The following RNGTT variants were observed in gnomAD, a reference collection of about 807,000 sequenced individuals.
The protein encoded by RNGTT is mRNA-capping enzyme.
Under a neutral mutation model 79.3 loss-of-function variants are expected in RNGTT, and 33 were observed. The observed-to-expected ratio is 0.42, with a 90% CI of 0.32 to 0.56. The LOEUF is 0.56. Among genes scored for constraint, RNGTT ranks in the 20% least tolerant of loss-of-function variants. The pLI is 0.17. For missense variants in RNGTT, 497 were observed against 739.1 expected (o/e 0.67, Z 3.80); for synonymous variants, 222 against 235.9 (o/e 0.94, Z 0.54).
chr6:88,930,527 T>C (rs1582144638), intron 2 of RNGTT, among the ~76,000 whole-genome samples: 1 of 151,758 alleles, frequency 6.6e-6, no homozygotes, highest in Non-Finnish European at 1.5e-5. Context: ...TTCAGTATCA[T>C]ATAAAAACAA....
At chr6:88,950,784 A>G (rs1445699709) in intron 1 of RNGTT, among the ~76,000 whole-genome samples, 1 of 152,118 alleles carries the variant, frequency 6.6e-6, no homozygotes, top group African/African-American at 2.4e-5. Flanking sequence ...GTGAGCCATG[A>G]TCATGCCATT....
chr6:88,675,417 G>A (rs1371416369), intron 14 of RNGTT, among the ~76,000 whole-genome samples: 1 of 151,962 alleles, frequency 6.6e-6, no homozygotes, highest in Non-Finnish European at 1.5e-5. Flanking sequence ...GCAGGCCAGG[G>A]GTGGTGGCTC....
intron 13 of RNGTT, among the ~76,000 whole-genome samples, chr6:88,766,406 T>A (rs1376914638): frequency 6.6e-6 from 1 of 152,130 alleles, no homozygotes; most frequent in Non-Finnish European, 1.5e-5. Context: ...CACAAGTTAG[T>A]TAATATAAAG....
At chr6:88,905,494 A>T (rs750681057) in intron 5 of RNGTT, among the ~76,000 whole-genome samples, 3 of 152,252 alleles carry the variant, frequency 2.0e-5, no homozygotes, top group African/African-American at 4.8e-5. Context: ...TCAAAATCAT[A>T]TGTGTACTTC....
chr6:88,839,261 G>A (rs1339793752), intron 11 of RNGTT, among the ~76,000 whole-genome samples: 2 of 151,920 alleles, frequency 1.3e-5, no homozygotes, highest in Non-Finnish European at 2.9e-5. Context: ...AAAAGAAAAC[G>A]ACAGAACAGT....
At chr6:88,844,322 T>C (rs1562281966) in intron 11 of RNGTT, 35 bp downstream of exon 11, 5 of 1,568,594 alleles carry the variant, frequency 3.2e-6, no homozygotes, top group Non-Finnish European at 3.5e-6. Context: ...TATGAGACAT[T>C]ATTAGCACTA....
intron 11 of RNGTT, among the ~76,000 whole-genome samples, chr6:88,823,302 C>A (rs566942103): frequency 6.6e-6 from 1 of 152,066 alleles, no homozygotes; most frequent in East Asian, 1.9e-4. Context: ...CGTGGTGCCA[C>A]GTGCCTGTAA....
At chr6:88,957,292 C>A (rs1785467092) in intron 1 of RNGTT, among the ~76,000 whole-genome samples, 1 of 152,148 alleles carries the variant, frequency 6.6e-6, no homozygotes. Flanking sequence ...TGAAAGCATT[C>A]CCCCTGGGAA....
At chr6:88,742,902 G>C (rs530197112) in intron 13 of RNGTT, among the ~76,000 whole-genome samples, 2 of 152,172 alleles carry the variant, frequency 1.3e-5, no homozygotes, top group African/African-American at 2.4e-5. Context: ...TGCATAGGTG[G>C]CTTGCTAAGT....
At chr6:88,769,466 C>G (rs1005011770) in intron 13 of RNGTT, among the ~76,000 whole-genome samples, 1 of 151,672 alleles carries the variant, frequency 6.6e-6, no homozygotes, top group African/African-American at 2.4e-5. Flanking sequence ...AGCCAAAATT[C>G]GTTTTTTAAT....
At chr6:88,949,816 A>C (rs1429293780) in intron 1 of RNGTT, among the ~76,000 whole-genome samples, 2 of 152,204 alleles carry the variant, frequency 1.3e-5, no homozygotes, top group African/African-American at 4.8e-5. Context: ...CTGTTATGGA[A>C]GCTGCAGCAA....
intron 11 of RNGTT, among the ~76,000 whole-genome samples, chr6:88,805,864 C>T (rs985804363): frequency 6.6e-6 from 1 of 152,164 alleles, no homozygotes; most frequent in Admixed American, 6.5e-5. Flanking sequence ...GAAACAGAAA[C>T]ACCAGGAGAA....
intron 6 of RNGTT, among the ~76,000 whole-genome samples, chr6:88,899,074 A>G (rs531470732): frequency 2.6e-5 from 4 of 151,852 alleles, no homozygotes; most frequent in Non-Finnish European, 5.9e-5. Context: ...TGAGTAAAAT[A>G]TTTAATAATT....
chr6:88,756,490 G>A (rs1290963162), intron 13 of RNGTT, among the ~76,000 whole-genome samples: 1 of 151,918 alleles, frequency 6.6e-6, no homozygotes, highest in East Asian at 1.9e-4. Context: ...CAAAAAAGAG[G>A]TAAAATTAAT....
intron 1 of RNGTT, among the ~76,000 whole-genome samples, chr6:88,942,802 C>G (rs545803081): frequency 2.1e-4 from 32 of 152,294 alleles, no homozygotes; most frequent in African/African-American, 6.5e-4. Context: ...ATCAAAGTCA[C>G]CCATAACCTC....
intron 11 of RNGTT, among the ~76,000 whole-genome samples, chr6:88,840,389 A>G (rs958226218): frequency 2.0e-5 from 3 of 152,150 alleles, no homozygotes; most frequent in Admixed American, 1.3e-4. Context: ...TAAAAATTAG[A>G]ATTGCTTTTA....
At chr6:88,781,086 T>C (rs982112526) in intron 12 of RNGTT, among the ~76,000 whole-genome samples, 1 of 152,176 alleles carries the variant, frequency 6.6e-6, no homozygotes, top group Non-Finnish European at 1.5e-5. Flanking sequence ...ATGTCAATGG[T>C]GCCAAGGCTG....
In RNGTT at chr6:88,891,902, A is replaced by C; in HGVS notation, c.698T>G (p.Leu233Trp). ...TACACCTTTAACAGTAACACCTTCC[A>C]AGAAAATAGCGCCCTTTAAAAAAAA... ...KERLKLGAIF[L>W]EGVTVKGVTQ... The change falls in exon 7 of 16, where the codon TTG becomes TGG. Residue 233 changes from leucine to tryptophan, a missense_variant. Physicochemically the swap from Leu to Trp is moderately conservative, Grantham distance 61. Around this residue, in one of 3 missense-constraint regions of RNGTT, gnomAD observed 440 missense variants for 671.5 expected, o/e 0.66. Coordinates refer to ENST00000369485, the MANE Select transcript of RNGTT (RefSeq NM_003800.5). 1 of 1,564,448 alleles carries C rather than the reference A, an allele frequency of 6.4e-7. No individual in the cohort carries two copies. Among genetic ancestry groups the C allele is most frequent in the Non-Finnish European group, 8.6e-7 (1 of 1,159,758 alleles).
In RNGTT at chr6:88,904,846, G is replaced by A; in HGVS notation, c.553C>T (p.Pro185Ser). Reference sequence around the variant, plus strand: ...CACCAATCTGGCAATAGAGGTGGGGGTGGTGCTTCCTCTATGTCACCATAC... The same window carrying A: ...CACCAATCTGGCAATAGAGGTGGGGATGGTGCTTCCTCTATGTCACCATAC... ...RRYGDIEEAP[P>S]PPLLPDWCFE... Residue 185 changes from proline (P) to serine (S), a missense_variant, in exon 6 of 16, where the codon CCC (proline) becomes TCC (serine). Physicochemically the swap from Pro to Ser is moderately conservative, Grantham distance 74. Coordinates refer to ENST00000369485, the MANE Select transcript of RNGTT (RefSeq NM_003800.5). 6.2e-7 allele frequency: 1 copy of A among 1,613,984 alleles called. No homozygotes were observed. The highest frequency in any genetic ancestry group is 8.5e-7 in the Non-Finnish European group (1 of 1,179,996).
Sources: allele counts gnomAD v4.1 joint callset (sites outside exome capture counted in the v4.1 genomes callset), GRCh38; gene constraint gnomAD v4.1.1; regional missense constraint gnomAD v4.1.1; transcripts MANE v1.5; gene names NCBI Gene and HGNC (gene_info 2026-07-23, HGNC 2026-07-21).